WDR7: variants seen among roughly 807,000 people sequenced by gnomAD.
The protein encoded by WDR7 is WD repeat-containing protein 7.
A neutral mutation model predicts 169.4 loss-of-function variants in WDR7; 46 were observed. The observed-to-expected ratio is 0.27, with a 90% CI of 0.21 to 0.35. The LOEUF is 0.35. Among genes scored for constraint, WDR7 ranks in the 10% least tolerant of loss-of-function variants. The probability of loss-of-function intolerance (pLI) is 1.00; values close to 1 mark genes in which losing one functional copy is unlikely to be tolerated. For synonymous variants in WDR7, 612 were observed against 666.8 expected (o/e 0.92, Z 1.27); for missense variants, 1,534 against 1,859.3 (o/e 0.83, Z 3.22).
At chr18:56,783,874 A>G (rs1049786753) in intron 19 of WDR7, among the ~76,000 whole-genome samples, 3 of 152,214 alleles carry the variant, frequency 2.0e-5, no homozygotes, top group African/African-American at 7.2e-5. Flanking sequence ...TAAGTTAGCT[A>G]CAAGGTAAAG....
rs2048407936 is a variant in WDR7 at position 57,028,982 on chromosome 18, G to A, written c.*1775G>A. The A allele has an allele frequency of 1.3e-5, 2 of 152,646 alleles. No homozygotes were observed. The highest frequency in any genetic ancestry group is 2.4e-5 in the African/African-American group (1 of 41,466). The allele number at this position is 152,646 out of a possible 1,614,324, so 9.5% of individuals were successfully genotyped here. A position where few individuals can be genotyped will look rare whatever the true frequency, so the allele number is the denominator to read the frequency against. ...TTGTGTTTGGCATAGCTAGAGAAAT[G>A]TAAGGTAAAAGGCTCACTTTGTTTT... On this transcript the variant is annotated 3_prime_UTR_variant, in exon 28 of 28. Transcript: ENST00000254442.
chr18:57,012,561 G>T (rs899781172), intron 26 of WDR7, among the ~76,000 whole-genome samples: 3 of 152,220 alleles, frequency 2.0e-5, no homozygotes, highest in African/African-American at 7.2e-5. Flanking sequence ...CTCCAGCACC[G>T]CCACAAGCTC....
At chr18:57,031,841 A>G (rs1434030294), downstream of WDR7, 2 of 152,234 alleles carry the variant, frequency 1.3e-5, no homozygotes, top group Non-Finnish European at 2.9e-5. Context: ...AATGCTCAGA[A>G]GAGTGGCACA....
At chr18:56,895,891 A>G (rs558514013) in intron 21 of WDR7, among the ~76,000 whole-genome samples, 1 of 151,990 alleles carries the variant, frequency 6.6e-6, no homozygotes, top group South Asian at 2.1e-4. Context: ...AAATCTCATC[A>G]TTCTTATAAT....
chr18:56,956,650 G>A (rs2047254759), intron 25 of WDR7, among the ~76,000 whole-genome samples: 1 of 152,092 alleles, frequency 6.6e-6, no homozygotes, highest in Admixed American at 6.6e-5. Flanking sequence ...GTTCTTTCCT[G>A]CAGAACCAGC....
At chr18:56,834,026 C>T (rs1200263556) in intron 20 of WDR7, among the ~76,000 whole-genome samples, 3 of 152,300 alleles carry the variant, frequency 2.0e-5, no homozygotes, top group Non-Finnish European at 4.4e-5. Context: ...GCTTTTGGTC[C>T]TCTTCCAATC....
At chr18:56,705,188 G>A (rs78194837) in intron 12 of WDR7, among the ~76,000 whole-genome samples, 1,853 of 152,124 alleles carry the variant, frequency 0.012, 53 homozygotes, top group African/African-American at 0.043. Flanking sequence ...CCTTTTAAGT[G>A]TAGTATTCAG....
chr18:56,925,920 A>G (rs1238592577), intron 22 of WDR7, among the ~76,000 whole-genome samples: 2 of 152,188 alleles, frequency 1.3e-5, no homozygotes, highest in African/African-American at 2.4e-5. Flanking sequence ...AGTTGGGGCT[A>G]ATTAAAGTAC....
chr18:56,847,284 GTA>G (rs1421562287), intron 20 of WDR7, among the ~76,000 whole-genome samples: 2 of 152,180 alleles, frequency 1.3e-5, no homozygotes, highest in Admixed American at 6.5e-5. Flanking sequence ...GTAATTTAGA[GTA>G]TTTGGCCAAA....
At chr18:56,861,810 T>A (rs2045807881) in intron 20 of WDR7, among the ~76,000 whole-genome samples, 1 of 152,130 alleles carries the variant, frequency 6.6e-6, no homozygotes, top group Non-Finnish European at 1.5e-5. Flanking sequence ...GAAAATTAAA[T>A]CTCATGATTT....
At chr18:56,690,554 C>A (rs1324122587) in intron 7 of WDR7, among the ~76,000 whole-genome samples, 1 of 152,160 alleles carries the variant, frequency 6.6e-6, no homozygotes, top group Non-Finnish European at 1.5e-5. Flanking sequence ...GTGGCTCATG[C>A]CTGTAATCCC....
intron 26 of WDR7, among the ~76,000 whole-genome samples, chr18:56,990,259 T>A (rs1410428878): frequency 6.6e-6 from 1 of 152,218 alleles, no homozygotes; most frequent in East Asian, 1.9e-4. Flanking sequence ...CTGAAGTCCT[T>A]AGGTGAGTGG....
At chr18:56,810,618 A>G (rs1367092536) in intron 19 of WDR7, among the ~76,000 whole-genome samples, 1 of 152,020 alleles carries the variant, frequency 6.6e-6, no homozygotes, top group Non-Finnish European at 1.5e-5. Flanking sequence ...TTTGTGGCGA[A>G]TTTTGCTTTC....
chr18:56,965,868 A>G (rs1272131008), intron 26 of WDR7, among the ~76,000 whole-genome samples: 1 of 152,146 alleles, frequency 6.6e-6, no homozygotes, highest in Admixed American at 6.6e-5. Context: ...CTCCATCTCT[A>G]TGTTAATGAT....
chr18:56,935,851 C>G lies in WDR7; in HGVS notation c.3777C>G (p.Leu1259=). ...ADSARSARHA[L]SLIATARPPA... ...CGGCCCGCTCTGCGAGGCATGCCCT[C>G]TCGCTCATTGCCACCGCCAGACCAC... The change falls in exon 23 of 28, where the codon CTC becomes CTG. Residue 1259 remains leucine (L), a synonymous_variant. Coordinates refer to ENST00000254442, the MANE Select transcript of WDR7 (RefSeq NM_015285.3). The G allele has an allele frequency of 6.2e-7, 1 of 1,614,184 alleles. No homozygotes were observed. The highest frequency in any genetic ancestry group is 8.5e-7 in the Non-Finnish European group (1 of 1,180,044).
chr18:56,995,528 GT>G (rs1459699074), intron 26 of WDR7, among the ~76,000 whole-genome samples: 1 of 152,060 alleles, frequency 6.6e-6, no homozygotes, highest in Admixed American at 6.5e-5. Context: ...TGACATCACA[GT>G]TTTTTTCTAA....
At chr18:56,951,961 A>T (rs2047190685) in intron 25 of WDR7, among the ~76,000 whole-genome samples, 3 of 152,212 alleles carry the variant, frequency 2.0e-5, no homozygotes, top group African/African-American at 7.2e-5. Flanking sequence ...AAAACCCATT[A>T]TATGTTAACA....
At chr18:56,722,579 A>G (rs1568158423) in intron 13 of WDR7, among the ~76,000 whole-genome samples, 1 of 152,242 alleles carries the variant, frequency 6.6e-6, no homozygotes, top group Admixed American at 6.5e-5. Context: ...GTAATTGACT[A>G]TAACCTTGGT....
intron 3 of WDR7, among the ~76,000 whole-genome samples, chr18:56,680,694 GT>G (rs901694103): frequency 2.6e-5 from 4 of 151,972 alleles, no homozygotes; most frequent in African/African-American, 9.7e-5. Context: ...CTTATATCTA[GT>G]TTTTTTGTGT....
Sources: gnomAD v4.1 joint callset for allele counts (sites outside exome capture counted in the v4.1 genomes callset) on GRCh38, gnomAD v4.1.1 for gene constraint, MANE v1.5 for transcripts, NCBI Gene and HGNC (gene_info 2026-07-23, HGNC 2026-07-21) for gene names.